The following VAC14 variants were observed in gnomAD, a reference collection of about 807,000 sequenced individuals.
The protein encoded by VAC14 is VAC14 component of PIKFYVE complex, also known as protein VAC14 homolog.
Under a neutral mutation model 85.3 loss-of-function variants are expected in VAC14, and 47 were observed. The ratio of observed to expected loss-of-function variants is 0.55; its 90% CI spans 0.44 to 0.70. The LOEUF is 0.70. Among genes scored for constraint, VAC14 ranks in the 30% least tolerant of loss-of-function variants. VAC14 has a pLI of 0.00. For synonymous variants in VAC14, 447 were observed against 430.5 expected (o/e 1.04, Z -0.47); for missense variants, 861 against 1,004.3 (o/e 0.86, Z 1.93).
intron 10 of VAC14, chr16:70,771,671 C>G (rs2033231204): frequency 6.1e-6 from 1 of 162,962 alleles, no homozygotes; most frequent in Admixed American, 6.2e-5. Context: ...ACTTCAACCT[C>G]TGGCTCAAGT....
At chr16:70,717,188 G>A (rs913439784) in intron 14 of VAC14, among the ~76,000 whole-genome samples, 3 of 152,232 alleles carry the variant, frequency 2.0e-5, no homozygotes, top group Non-Finnish European at 4.4e-5. Context: ...CAGCACCAGC[G>A]CACTCTGGCC....
At chr16:70,733,660 T>C (rs1221301393) in intron 13 of VAC14, among the ~76,000 whole-genome samples, 6 of 152,044 alleles carry the variant, frequency 3.9e-5, no homozygotes, top group Non-Finnish European at 4.4e-5. Context: ...GCTCCTGCTT[T>C]GGCCTCCTCT....
intron 9 of VAC14, among the ~76,000 whole-genome samples, chr16:70,776,487 G>T (rs556794121): frequency 6.6e-6 from 1 of 152,174 alleles, no homozygotes; most frequent in Non-Finnish European, 1.5e-5. Flanking sequence ...TGACTTAAAA[G>T]AGCTCTTTCT....
At chr16:70,716,058 GA>G (rs2054160075) in intron 14 of VAC14, 1 of 152,210 alleles carries the variant, frequency 6.6e-6, no homozygotes, top group South Asian at 2.1e-4. Context: ...TATGCTTTCA[GA>G]AAACCTCAGA....
chr16:70,718,268 T>C (rs1239087596), intron 14 of VAC14, among the ~76,000 whole-genome samples: 1 of 152,230 alleles, frequency 6.6e-6, no homozygotes, highest in Admixed American at 6.5e-5. Context: ...TCTGCATTTC[T>C]CTTTTAAGAA....
intron 12 of VAC14, among the ~76,000 whole-genome samples, chr16:70,754,639 CG>C (rs1190693219): frequency 7.2e-5 from 11 of 152,126 alleles, no homozygotes; most frequent in Non-Finnish European, 1.5e-4. Context: ...AGAGGGTCCC[CG>C]GGCCATCAGT....
At chr16:70,763,755 C>T (rs2032591740) in intron 10 of VAC14, among the ~76,000 whole-genome samples, 1 of 152,202 alleles carries the variant, frequency 6.6e-6, no homozygotes, top group African/African-American at 2.4e-5. Flanking sequence ...CACAGGAAGC[C>T]CCCTGGCTTC....
At chr16:70,734,377 T>TC in intron 13 of VAC14, among the ~76,000 whole-genome samples, 1 of 150,162 alleles carries the variant, frequency 6.7e-6, no homozygotes, top group South Asian at 2.1e-4. Context: ...AAGGGACCCT[T>TC]CTGCCTTGGC....
chr16:70,760,303 C>G (rs148164421), intron 12 of VAC14, among the ~76,000 whole-genome samples: 20 of 152,222 alleles, frequency 1.3e-4, no homozygotes, highest in African/African-American at 4.8e-4. Context: ...AGGGCACTTT[C>G]TAGATATCCT....
chr16:70,696,739 C>A (rs183445288), intron 16 of VAC14, among the ~76,000 whole-genome samples: 4 of 152,142 alleles, frequency 2.6e-5, no homozygotes, highest in South Asian at 4.1e-4. Context: ...CCTTCTCCCC[C>A]ACCCCCACAC....
intron 14 of VAC14, among the ~76,000 whole-genome samples, chr16:70,708,858 T>C (rs2053972975): frequency 6.6e-6 from 1 of 152,208 alleles, no homozygotes; most frequent in Non-Finnish European, 1.5e-5. Context: ...CTGGAGACCA[T>C]TGTCCCCCGG....
intron 13 of VAC14, among the ~76,000 whole-genome samples, chr16:70,742,493 A>T (rs1215698892): frequency 6.6e-6 from 1 of 152,138 alleles, no homozygotes; most frequent in Non-Finnish European, 1.5e-5. Context: ...CGGAGAATGG[A>T]CTCGTTTGCC....
chr16:70,698,584 T>C (rs2053760399), intron 15 of VAC14, 53 bp downstream of exon 15: 4 of 1,604,014 alleles, frequency 2.5e-6, no homozygotes, highest in Non-Finnish European at 3.4e-6. Flanking sequence ...ACACAGGGTG[T>C]GCCCCCTGGC....
intron 17 of VAC14, among the ~76,000 whole-genome samples, chr16:70,693,302 G>A (rs2053636404): frequency 6.6e-6 from 1 of 152,244 alleles, no homozygotes; most frequent in African/African-American, 2.4e-5. Context: ...TGTGGGGCCT[G>A]GTCTGTTTCC....
intron 14 of VAC14, among the ~76,000 whole-genome samples, chr16:70,723,437 C>T (rs2054345623): frequency 6.7e-6 from 1 of 149,264 alleles, no homozygotes; most frequent in African/African-American, 2.5e-5. Flanking sequence ...CCCTTCATAG[C>T]CTGGGTGACT....
rs533246465 is a variant in VAC14, at chr16:70,748,931, T to C, written c.1372-4352A>G. ...CGGTCTGGGCAATAGAGTGAGACTC[T>C]GTCTCAAAAACAAAACAAAACAAAA... is the stretch of plus-strand genomic sequence containing the variant. On this transcript the variant is annotated intron_variant, in intron 12 of 18. Transcript: ENST00000261776. 7.2e-5 allele frequency among the ~76,000 whole-genome samples: 11 copies of C among 152,238 alleles called. No individual in the cohort carries two copies. The South Asian group carries it at 1.9e-3, about 26-fold the overall frequency.
At chr16:70,729,678 T>C (rs1346043517) in intron 14 of VAC14, among the ~76,000 whole-genome samples, 1 of 151,906 alleles carries the variant, frequency 6.6e-6, no homozygotes, top group Non-Finnish European at 1.5e-5. Flanking sequence ...TCCCCAACCA[T>C]TACAGTCTGG....
chr16:70,761,811 C>T (rs2143062250), intron 12 of VAC14, among the ~76,000 whole-genome samples: 1 of 152,354 alleles, frequency 6.6e-6, no homozygotes, highest in South Asian at 2.1e-4. Context: ...ATAATGGAGT[C>T]CAGCTGAAAT....
Position 70,795,492 on chromosome 16 carries a change from T to C in VAC14, c.104+5305A>G, listed in dbSNP as rs567943842. On this transcript the variant is annotated intron_variant, in intron 1 of 18. Transcript: ENST00000261776. ...GCCTGGGCGACAGAGCGAGACTCTG[T>C]CTAAAAAAAAAAAAAAAAAAAAAAG... 5.3e-3 allele frequency among the ~76,000 whole-genome samples: 605 copies of C among 115,182 alleles called. 5 individuals carry two copies. The highest frequency in any genetic ancestry group is 0.018 in the African/African-American group (570 of 31,062). 75.6% of individuals were successfully genotyped at this position (115,182 alleles called of 152,430 possible). A position where few individuals can be genotyped will look rare whatever the true frequency, so the allele number is the denominator to read the frequency against.
Sources: gnomAD v4.1 joint callset for allele counts (sites outside exome capture counted in the v4.1 genomes callset) on GRCh38, gnomAD v4.1.1 for gene constraint, MANE v1.5 for transcripts, NCBI Gene and HGNC (gene_info 2026-07-23, HGNC 2026-07-21) for gene names.